The following REPS1 variants were observed in gnomAD, a reference collection of about 807,000 sequenced individuals.
REPS1 encodes the protein RALBP1 associated Eps domain containing 1.
In REPS1, 39 loss-of-function variants were observed where a neutral mutation model predicts 100.9. That is an observed-to-expected ratio of 0.39 (90% confidence interval 0.30 to 0.50). The LOEUF is 0.50. Ranked by LOEUF, REPS1 falls within the 20% of genes least tolerant of loss-of-function variation. The pLI is 0.86. For synonymous variants in REPS1, 324 were observed against 340.3 expected (o/e 0.95, Z 0.53); for missense variants, 821 against 968.5 (o/e 0.85, Z 2.02).
At chr6:138,962,314 G>A (rs1783786626) in intron 1 of REPS1, among the ~76,000 whole-genome samples, 1 of 151,920 alleles carries the variant, frequency 6.6e-6, no homozygotes, top group African/African-American at 2.4e-5. Context: ...CCTTCCCAAT[G>A]ATACAATGGT....
intron 9 of REPS1, chr6:138,928,358 A>G (rs569414099): frequency 1.9e-4 from 29 of 152,322 alleles, no homozygotes; most frequent in African/African-American, 7.0e-4. Flanking sequence ...AAATAAATCT[A>G]TGTTGAAAGA....
intron 1 of REPS1, among the ~76,000 whole-genome samples, chr6:138,982,294 T>C (rs1195464232): frequency 6.6e-6 from 1 of 152,220 alleles, no homozygotes. Flanking sequence ...TTTTCCCCAT[T>C]AAATTTATGT....
chr6:138,920,128 G>T (rs895843675), intron 12 of REPS1, 87 bp downstream of exon 12: 14 of 728,394 alleles, frequency 1.9e-5, no homozygotes, highest in Non-Finnish European at 3.0e-5. Context: ...TAGTGAAGAC[G>T]GTATTAAATG....
At chr6:138,969,480 G>C (rs779371753) in intron 1 of REPS1, among the ~76,000 whole-genome samples, 75 of 148,640 alleles carry the variant, frequency 5.0e-4, no homozygotes, top group Non-Finnish European at 8.6e-4. Flanking sequence ...GTAGAGATGG[G>C]GTCTCACTAT....
intron 16 of REPS1, among the ~76,000 whole-genome samples, chr6:138,911,836 G>C (rs1780033735): frequency 6.6e-6 from 1 of 151,678 alleles, no homozygotes; most frequent in African/African-American, 2.4e-5. Flanking sequence ...TAATAGATGT[G>C]TGAGGGAGAG....
intron 8 of REPS1, among the ~76,000 whole-genome samples, chr6:138,937,259 G>A (rs1436003470): frequency 6.6e-6 from 1 of 152,148 alleles, no homozygotes; most frequent in Non-Finnish European, 1.5e-5. Context: ...TGGGGACACA[G>A]CCAAACCATA....
intron 6 of REPS1, 22 bp from the exon 7 acceptor site, chr6:138,943,598 G>A (rs1782407665): frequency 6.6e-7 from 1 of 1,513,874 alleles, no homozygotes; most frequent in African/African-American, 1.4e-5. Flanking sequence ...AAACAGTGTT[G>A]TTTAATGTTA....
intron 1 of REPS1, among the ~76,000 whole-genome samples, chr6:138,982,088 T>C (rs1473813403): frequency 6.6e-6 from 1 of 152,214 alleles, no homozygotes; most frequent in African/African-American, 2.4e-5. Context: ...TGTAGTTTAT[T>C]ACAATTATTT....
rs556599074 is a variant in REPS1, at chr6:138,979,989, T to C, written c.153+7541A>G. Reference sequence around the variant, plus strand: ...TCTTACAGGCTTCTGAGAACTAAGATAGACAAAAGGGGAACTGCTGAATTC... The same window carrying C: ...TCTTACAGGCTTCTGAGAACTAAGACAGACAAAAGGGGAACTGCTGAATTC... On this transcript the variant is annotated intron_variant, in intron 1 of 19. Coordinates refer to ENST00000450536, the MANE Select transcript of REPS1 (RefSeq NM_001286611.2). Among the ~76,000 whole-genome samples the C allele has an allele frequency of 3.3e-5, 5 of 152,240 alleles. No individual in the cohort carries two copies. In the East Asian group the frequency reaches 5.8e-4, roughly 18 times the overall value.
chr6:138,926,303 AC>A, intron 10 of REPS1, 97 bp downstream of exon 10: 1 of 853,186 alleles, frequency 1.2e-6, no homozygotes, highest in Non-Finnish European at 1.9e-6. Flanking sequence ...CCCTCTAAGC[AC>A]TCCACTGAAT....
At chr6:138,970,737 C>T (rs564205622) in intron 1 of REPS1, among the ~76,000 whole-genome samples, 2 of 152,244 alleles carry the variant, frequency 1.3e-5, no homozygotes, top group East Asian at 3.9e-4. Flanking sequence ...GAACCAAGAT[C>T]GTGCCATTGC....
intron 1 of REPS1, among the ~76,000 whole-genome samples, chr6:138,968,034 A>G (rs1236586471): frequency 2.6e-5 from 4 of 152,176 alleles, no homozygotes; most frequent in Non-Finnish European, 5.9e-5. Context: ...AAATATCCCA[A>G]GTCAAAAGTA....
At chr6:138,978,176 T>C (rs1158707101) in intron 1 of REPS1, among the ~76,000 whole-genome samples, 2 of 152,150 alleles carry the variant, frequency 1.3e-5, no homozygotes, top group Non-Finnish European at 2.9e-5. Flanking sequence ...GTTTATAATA[T>C]GCAAATATTT....
chr6:138,968,366 AC>A (rs1216383312), intron 1 of REPS1, among the ~76,000 whole-genome samples: 1 of 152,208 alleles, frequency 6.6e-6, no homozygotes, highest in Non-Finnish European at 1.5e-5. Flanking sequence ...CTCAAAAATG[AC>A]CCTAAAAATT....
intron 2 of REPS1, among the ~76,000 whole-genome samples, chr6:138,946,020 TC>T (rs1362180602): frequency 6.6e-6 from 1 of 152,150 alleles, no homozygotes; most frequent in Non-Finnish European, 1.5e-5. Flanking sequence ...CCTGCAAAGC[TC>T]CTATTTACAG....
chr6:138,974,526 T>A (rs922937455), intron 1 of REPS1, among the ~76,000 whole-genome samples: 1 of 152,184 alleles, frequency 6.6e-6, no homozygotes, highest in Non-Finnish European at 1.5e-5. Context: ...TGTCCAAATG[T>A]GTTTTGGGTT....
At chr6:138,906,071 A>G (rs775963617) in intron 19 of REPS1, among the ~76,000 whole-genome samples, 7 of 152,238 alleles carry the variant, frequency 4.6e-5, no homozygotes, top group Non-Finnish European at 1.0e-4. Context: ...ACTTGTTTCA[A>G]TGGTCTTCCC....
chr6:138,963,666 C>T (rs1382523893), intron 1 of REPS1, among the ~76,000 whole-genome samples: 1 of 152,198 alleles, frequency 6.6e-6, no homozygotes, highest in East Asian at 1.9e-4. Context: ...CATTGAAGTA[C>T]ACTGTTAGAA....
intron 16 of REPS1, chr6:138,912,536 C>T (rs192386868): frequency 9.8e-5 from 52 of 533,112 alleles, no homozygotes; most frequent in East Asian, 8.7e-4. Flanking sequence ...CACGGCCAGG[C>T]GGTGGTGTCT....
Sources: gnomAD v4.1 joint callset for allele counts (sites outside exome capture counted in the v4.1 genomes callset) on GRCh38, gnomAD v4.1.1 for gene constraint, MANE v1.5 for transcripts, NCBI Gene and HGNC (gene_info 2026-07-23, HGNC 2026-07-21) for gene names.